Variants in COL24A1 observed in about 807,000 individuals in gnomAD.
The protein encoded by COL24A1 is collagen type XXIV alpha 1 chain, also known as collagen alpha-1(XXIV) chain.
Under a neutral mutation model 253.9 loss-of-function variants are expected in COL24A1, and 224 were observed. That is an observed-to-expected ratio of 0.88 (90% CI 0.79 to 0.99). The LOEUF is 0.99. Among genes scored for constraint, COL24A1 ranks in the 50% least tolerant of loss-of-function variants. COL24A1 has a pLI of 0.00. For missense variants in COL24A1, 2,131 were observed against 2,068.5 expected (o/e 1.03, Z -0.59); for synonymous variants, 685 against 673.7 (o/e 1.02, Z -0.26).
chr1:85,840,134 T>C (rs1370474286), intron 42 of COL24A1, among the ~76,000 whole-genome samples: 1 of 152,168 alleles, frequency 6.6e-6, no homozygotes, highest in Admixed American at 6.5e-5. Context: ...AAAACTACTA[T>C]TGTTATGCTA....
intron 32 of COL24A1, among the ~76,000 whole-genome samples, chr1:85,883,091 A>G (rs1682052444): frequency 6.6e-6 from 1 of 152,210 alleles, no homozygotes; most frequent in Non-Finnish European, 1.5e-5. Flanking sequence ...TCATTGAGTT[A>G]GTATATATCA....
intron 7 of COL24A1, among the ~76,000 whole-genome samples, chr1:86,085,687 C>T (rs757627255): frequency 1.1e-4 from 17 of 152,162 alleles, no homozygotes; most frequent in Non-Finnish European, 2.5e-4. Context: ...ATCAAACTTA[C>T]CTGTTTTTTG....
intron 22 of COL24A1, among the ~76,000 whole-genome samples, chr1:85,967,898 C>T (rs757930646): frequency 1.3e-5 from 2 of 152,138 alleles, no homozygotes; most frequent in African/African-American, 2.4e-5. Context: ...CTGGGTGTGT[C>T]TGTGAGAGTG....
chr1:85,731,962 A>G (rs889494680), intron 59 of COL24A1, among the ~76,000 whole-genome samples: 1 of 152,156 alleles, frequency 6.6e-6, no homozygotes, highest in Non-Finnish European at 1.5e-5. Flanking sequence ...CACACACAAC[A>G]ACCACCACAA....
chr1:86,000,737 A>G (rs1445422913), intron 19 of COL24A1, among the ~76,000 whole-genome samples: 1 of 152,236 alleles, frequency 6.6e-6, no homozygotes, highest in Admixed American at 6.5e-5. Context: ...CTGTTTGGCC[A>G]CTTCTGGCAC....
chr1:85,831,432 G>T (rs1276091376), intron 43 of COL24A1, among the ~76,000 whole-genome samples: 4 of 151,964 alleles, frequency 2.6e-5, no homozygotes, highest in Admixed American at 2.6e-4. Context: ...GCCTCTCCTG[G>T]CTTTGTGAAG....
chr1:86,125,038 T>G lies in COL24A1; in HGVS notation c.1298A>C (p.His433Pro), dbSNP rs774163714. Residue 433 changes from histidine (H) to proline (P), a missense_variant, in exon 3 of 60, where the codon CAT becomes CCT. Physicochemically the swap from His to Pro is moderately conservative, Grantham distance 77 (BLOSUM62 -2). Transcript: ENST00000370571. ...EMQPILNTSL[H>P]RVTNEPSVDN... is the part of the protein sequence containing the mutation. Reference sequence around the variant, plus strand: ...CACAGATGGCTCATTTGTCACTCTATGCAAGCTTGTGTTTAAAATTGGTTG... The same window carrying G: ...CACAGATGGCTCATTTGTCACTCTAGGCAAGCTTGTGTTTAAAATTGGTTG... 1 of 1,613,074 alleles carries G rather than the reference T, an allele frequency of 6.2e-7. No homozygotes were observed. Among genetic ancestry groups the G allele is most frequent in the South Asian group, 1.1e-5 (1 of 90,978 alleles).
intron 32 of COL24A1, among the ~76,000 whole-genome samples, chr1:85,885,392 T>TG (rs1682364729): frequency 1.1e-5 from 1 of 89,516 alleles, no homozygotes. Flanking sequence ...TATATATATA[T>TG]ATATATTTTT....
At chr1:85,952,016 C>A (rs1698733) in intron 24 of COL24A1, among the ~76,000 whole-genome samples, 81,756 of 151,952 alleles carry the variant, frequency 0.54, 22,700 homozygotes, top group African/African-American at 0.64. Flanking sequence ...CAATGCTGCT[C>A]CCCTCATCGG....
At chr1:85,875,766 C>CACAG (rs1681090730) in intron 33 of COL24A1, among the ~76,000 whole-genome samples, 1 of 136,912 alleles carries the variant, frequency 7.3e-6, no homozygotes, top group African/African-American at 2.7e-5. Context: ...CACACACACA[C>CACAG]AGAGCTTCTT....
chr1:85,877,890 T>A (rs183268683), intron 32 of COL24A1, among the ~76,000 whole-genome samples: 10 of 152,326 alleles, frequency 6.6e-5, no homozygotes. Flanking sequence ...CAAATTTGCA[T>A]CTTAAAGAAG....
At chr1:86,022,906 T>G in intron 15 of COL24A1, 29 bp from the exon 16 acceptor site, 1 of 1,612,172 alleles carries the variant, frequency 6.2e-7, no homozygotes, top group South Asian at 1.1e-5. Flanking sequence ...TTTTGTGATA[T>G]CATAGACAGA....
chr1:85,781,167 A>T, intron 52 of COL24A1, 53 bp downstream of exon 52: 3 of 1,282,064 alleles, frequency 2.3e-6, no homozygotes, highest in Non-Finnish European at 3.3e-6. Context: ...TATTCTAGAA[A>T]TAGAATTAAA....
chr1:86,139,827 TTTTC>T (rs981427823), intron 2 of COL24A1, among the ~76,000 whole-genome samples: 1 of 152,154 alleles, frequency 6.6e-6, no homozygotes, highest in African/African-American at 2.4e-5. Flanking sequence ...TTCGACACAC[TTTTC>T]TTTTTCTTGC....
intron 5 of COL24A1, among the ~76,000 whole-genome samples, chr1:86,101,541 A>G (rs1459282863): frequency 1.3e-5 from 2 of 152,068 alleles, no homozygotes; most frequent in Non-Finnish European, 2.9e-5. Context: ...TATGGTTCTT[A>G]TTATTTTGAA....
intron 24 of COL24A1, among the ~76,000 whole-genome samples, chr1:85,923,492 A>T (rs1176835563): frequency 6.6e-6 from 1 of 152,254 alleles, no homozygotes; most frequent in African/African-American, 2.4e-5. Context: ...AGTGCAATCA[A>T]ATTAGAACTC....
chr1:85,842,324 A>C lies in COL24A1; in HGVS notation c.3516+16T>G. On this transcript the variant is annotated intron_variant, in intron 40 of 59. Coordinates refer to ENST00000370571, the MANE Select transcript of COL24A1 (RefSeq NM_152890.7). ...TGTTTTCATGTGAATATATTTTTTC[A>C]ATTATAAATACTTACCCTGTACCCT... is the stretch of plus-strand genomic sequence containing the variant. 6.5e-7 allele frequency: 1 copy of C among 1,548,244 alleles called. No homozygotes were observed. The highest frequency in any genetic ancestry group is 8.8e-7 in the Non-Finnish European group (1 of 1,137,806).
chr1:85,803,500 C>A (rs888229800), intron 47 of COL24A1, among the ~76,000 whole-genome samples: 1 of 150,708 alleles, frequency 6.6e-6, no homozygotes, highest in Non-Finnish European at 1.5e-5. Context: ...GTCTTATGAT[C>A]CAGAGACATA....
intron 23 of COL24A1, among the ~76,000 whole-genome samples, chr1:85,964,472 T>C (rs141319069): frequency 4.4e-4 from 67 of 152,210 alleles, no homozygotes; most frequent in African/African-American, 1.5e-3. Flanking sequence ...CCCAGTAGAA[T>C]TGAAAACCCC....
Sources: allele counts gnomAD v4.1 joint callset (sites outside exome capture counted in the v4.1 genomes callset), GRCh38; gene constraint gnomAD v4.1.1; transcripts MANE v1.5; gene names NCBI Gene and HGNC (gene_info 2026-07-23, HGNC 2026-07-21).